The following TACR1 variants were observed in gnomAD, a reference collection of about 807,000 sequenced individuals.
TACR1 encodes the protein substance-P receptor.
Under a neutral mutation model 35.8 loss-of-function variants are expected in TACR1, and 25 were observed. The observed-to-expected ratio is 0.70, with a 90% CI of 0.51 to 0.98. The LOEUF is 0.98. TACR1 is among the 50% of genes least tolerant of loss of function. The pLI is 0.00. For missense variants in TACR1, 478 were observed against 522.9 expected, an observed-to-expected ratio of 0.91 and a Z score of 0.84; for synonymous variants, 195 against 206.7, an observed-to-expected ratio of 0.94 and a Z score of 0.48.
At chr2:75,102,366 G>A (rs1007407135) in intron 2 of TACR1, among the ~76,000 whole-genome samples, 6 of 152,128 alleles carry the variant, frequency 3.9e-5, no homozygotes, top group Non-Finnish European at 8.8e-5. Context: ...ACTAAGTTTC[G>A]GAATGATTTG....
chr2:75,193,463 A>T (rs555244667), intron 1 of TACR1, among the ~76,000 whole-genome samples: 97 of 152,282 alleles, frequency 6.4e-4, no homozygotes, highest in African/African-American at 2.3e-3. Context: ...CATTCCAACT[A>T]ATCGTTATAT....
Position 75,049,570 on chromosome 2 carries a change from CA to C in TACR1, c.1085del (p.Val362GlyfsTer21), listed in dbSNP as rs1672427830. 1 of 1,614,068 alleles carries C rather than the reference CA, an allele frequency of 6.2e-7. No homozygotes were observed. Among genetic ancestry groups the C allele is most frequent in the African/African-American group, 1.3e-5 (1 of 74,962 alleles). On this transcript the variant is annotated frameshift_variant, in exon 5 of 5. Coordinates refer to ENST00000305249, the MANE Select transcript of TACR1 (RefSeq NM_001058.4). LOFTEE classifies it high-confidence loss of function. Reference protein sequence around the residue: ...SRLETTISTVVGAHEEEPEDG... With the variant: ...SRLETTISTVXGAHEEEPEDG... ...CCTCTGGCTCCTCCTCGTGGGCCCC[CA>C]CCACTGTGGAGATGGTGGTCTCCAG...
intron 2 of TACR1, among the ~76,000 whole-genome samples, chr2:75,070,604 G>T (rs1672859179): frequency 6.6e-6 from 1 of 152,184 alleles, no homozygotes; most frequent in Non-Finnish European, 1.5e-5. Context: ...GTTTCTTCTA[G>T]CCACGCTTTT....
At chr2:75,154,557 A>G (rs1674795949) in intron 1 of TACR1, 1 of 150,896 alleles carries the variant, frequency 6.6e-6, no homozygotes, top group Admixed American at 6.6e-5. Context: ...GAGATTCAGC[A>G]CTAACCCAGC....
chr2:75,122,499 C>T (rs1673988504), intron 1 of TACR1, among the ~76,000 whole-genome samples: 1 of 152,148 alleles, frequency 6.6e-6, no homozygotes, highest in East Asian at 1.9e-4. Context: ...ACTAGGAGGA[C>T]ACTTCATGCC....
intron 2 of TACR1, among the ~76,000 whole-genome samples, chr2:75,062,262 C>T (rs935848479): frequency 2.6e-5 from 4 of 151,962 alleles, no homozygotes; most frequent in East Asian, 1.9e-4. Context: ...ATATACTCAT[C>T]GTCGATTTGA....
At chr2:75,181,897 A>G (rs1675567502) in intron 1 of TACR1, among the ~76,000 whole-genome samples, 1 of 152,210 alleles carries the variant, frequency 6.6e-6, no homozygotes, top group Non-Finnish European at 1.5e-5. Flanking sequence ...ATTAGCTAAG[A>G]CTATATTTGG....
intron 1 of TACR1, among the ~76,000 whole-genome samples, chr2:75,178,705 T>C (rs951046885): frequency 1.3e-5 from 2 of 152,192 alleles, no homozygotes; most frequent in Non-Finnish European, 2.9e-5. Flanking sequence ...AGTGGTCCAG[T>C]CTTGGTCCTC....
At chr2:75,071,469 T>C (rs1309091019) in intron 2 of TACR1, among the ~76,000 whole-genome samples, 1 of 152,194 alleles carries the variant, frequency 6.6e-6, no homozygotes, top group Non-Finnish European at 1.5e-5. Context: ...TCCCAGAGTA[T>C]TCAACATCGA....
intron 1 of TACR1, chr2:75,188,653 A>AT (rs1340608805): frequency 6.6e-6 from 1 of 152,252 alleles, no homozygotes; most frequent in Non-Finnish European, 1.5e-5. Flanking sequence ...TGAAAAAGCC[A>AT]TAAGGCTCTG....
chr2:75,069,611 C>T (rs1253375983), intron 2 of TACR1, among the ~76,000 whole-genome samples: 1 of 152,150 alleles, frequency 6.6e-6, no homozygotes, highest in Admixed American at 6.5e-5. Flanking sequence ...ATTAAGTTTA[C>T]TTGCCATGTC....
At chr2:75,116,846 G>A (rs1471211906) in intron 2 of TACR1, among the ~76,000 whole-genome samples, 2 of 151,984 alleles carry the variant, frequency 1.3e-5, no homozygotes, top group East Asian at 1.9e-4. Context: ...GGAGGCGGAG[G>A]TTGCACTGAG....
intron 2 of TACR1, among the ~76,000 whole-genome samples, chr2:75,081,992 A>T (rs1280520175): frequency 6.6e-6 from 1 of 151,822 alleles, no homozygotes; most frequent in South Asian, 2.1e-4. Flanking sequence ...ACATATGTAT[A>T]CATGTGCTAT....
chr2:75,133,416 C>G (rs1342876831), intron 1 of TACR1, among the ~76,000 whole-genome samples: 1 of 152,044 alleles, frequency 6.6e-6, no homozygotes, highest in Non-Finnish European at 1.5e-5. Flanking sequence ...GACTTCAGTC[C>G]TTAGGAGTAA....
In TACR1 at chr2:75,120,567, T is replaced by C; in HGVS notation, c.584+7A>G. 4 of 1,594,748 alleles carry C rather than the reference T, an allele frequency of 2.5e-6. No individual in the cohort carries two copies. The highest frequency in any genetic ancestry group is 3.4e-6 in the Non-Finnish European group (4 of 1,167,210). On this transcript the variant is annotated splice_region_variant and intron_variant, in intron 2 of 4. Coordinates refer to ENST00000305249, the MANE Select transcript of TACR1 (RefSeq NM_001058.4). Reference sequence around the variant, plus strand: ...TTTCTTTGGCATGGGGAGTCATCTCTACTCACACTTTCTCATAAATCTTGT... The same window carrying C: ...TTTCTTTGGCATGGGGAGTCATCTCCACTCACACTTTCTCATAAATCTTGT...
intron 1 of TACR1, among the ~76,000 whole-genome samples, chr2:75,192,556 C>G (rs772975444): frequency 3.9e-5 from 6 of 152,154 alleles, no homozygotes; most frequent in Non-Finnish European, 8.8e-5. Context: ...AAAAAGGCCT[C>G]TAGTATTTTC....
At chr2:75,165,927 G>T (rs1675132247) in intron 1 of TACR1, among the ~76,000 whole-genome samples, 1 of 152,122 alleles carries the variant, frequency 6.6e-6, no homozygotes, top group Admixed American at 6.5e-5. Flanking sequence ...AACAAGAAAA[G>T]CCCCATACTT....
Position 75,084,631 on chromosome 2 carries a change from C to T in TACR1, c.585-30876G>A, listed in dbSNP as rs545370079. 8.4e-3 allele frequency among the ~76,000 whole-genome samples: 1,285 copies of T among 152,272 alleles called. 13 individuals are homozygous for T. The highest frequency in any genetic ancestry group is 0.012 in the Non-Finnish European group (848 of 68,018). The stretch of plus-strand genomic sequence containing the variant: ...CCTGTTATTGGTCTATTCAGAGATT[C>T]AACTTCTTCCTGGTTTAGTCTTGGG... On this transcript the variant is annotated intron_variant, in intron 2 of 4. Coordinates refer to ENST00000305249, the MANE Select transcript of TACR1 (RefSeq NM_001058.4).
intron 1 of TACR1, among the ~76,000 whole-genome samples, chr2:75,153,610 T>C (rs1674724168): frequency 6.6e-6 from 1 of 152,178 alleles, no homozygotes; most frequent in Non-Finnish European, 1.5e-5. Flanking sequence ...TTAAAATACA[T>C]CTCTTAATTC....
Sources: allele counts gnomAD v4.1 joint callset (sites outside exome capture counted in the v4.1 genomes callset), GRCh38; gene constraint gnomAD v4.1.1; transcripts MANE v1.5; gene names NCBI Gene and HGNC (gene_info 2026-07-23, HGNC 2026-07-21).